Variants in XYLT1 observed in about 807,000 individuals in gnomAD.
XYLT1 encodes the protein beta-D-xylosyltransferase 1.
In XYLT1, 36 loss-of-function variants were observed where a neutral mutation model predicts 91.3. The observed-to-expected ratio is 0.39, with a 90% confidence interval of 0.30 to 0.52. The LOEUF (loss-of-function observed/expected upper bound fraction) is 0.52, where lower values mean the gene tolerates loss of function less well. XYLT1 is among the 20% of genes least tolerant of loss of function. The pLI is 0.68. For missense variants in XYLT1, 1,242 were observed against 1,284.5 expected (o/e 0.97, Z 0.51); for synonymous variants, 588 against 532.0 (o/e 1.11, Z -1.45).
chr16:17,208,040 G>A (rs549546849), intron 3 of XYLT1, among the ~76,000 whole-genome samples: 8 of 151,910 alleles, frequency 5.3e-5, no homozygotes, highest in African/African-American at 1.9e-4. Context: ...AGGCTGGAGT[G>A]CAGTGGCATG....
At chr16:17,191,709 C>A (rs1033867522) in intron 5 of XYLT1, among the ~76,000 whole-genome samples, 1 of 152,238 alleles carries the variant, frequency 6.6e-6, no homozygotes, top group African/African-American at 2.4e-5. Flanking sequence ...TCTTTACCAG[C>A]TGGTGTTTCC....
intron 1 of XYLT1, among the ~76,000 whole-genome samples, chr16:17,416,702 C>T (rs915585203): frequency 1.4e-4 from 21 of 152,148 alleles, no homozygotes; most frequent in African/African-American, 2.4e-4. Context: ...CTCAGTTCTG[C>T]GGGAGAGCAG....
chr16:17,239,894 C>T (rs2033319595), intron 3 of XYLT1, among the ~76,000 whole-genome samples: 1 of 152,200 alleles, frequency 6.6e-6, no homozygotes, highest in African/African-American at 2.4e-5. Context: ...ATCCACTCAA[C>T]CCATCTTTCC....
At chr16:17,146,821 A>G (rs779751374) in intron 6 of XYLT1, among the ~76,000 whole-genome samples, 4 of 152,162 alleles carry the variant, frequency 2.6e-5, no homozygotes, top group Non-Finnish European at 5.9e-5. Context: ...GAAGACTGGC[A>G]ACTTTTCTAA....
At chr16:17,411,311 G>A (rs2036104756) in intron 1 of XYLT1, among the ~76,000 whole-genome samples, 1 of 152,126 alleles carries the variant, frequency 6.6e-6, no homozygotes, top group African/African-American at 2.4e-5. Flanking sequence ...CCTTCATGGT[G>A]GTAGTTTCTT....
At chr16:17,145,272 A>G (rs1230186900) in intron 6 of XYLT1, among the ~76,000 whole-genome samples, 1 of 152,012 alleles carries the variant, frequency 6.6e-6, no homozygotes, top group Non-Finnish European at 1.5e-5. Flanking sequence ...TTTACTTTGG[A>G]CTCATCCTTA....
intron 1 of XYLT1, among the ~76,000 whole-genome samples, chr16:17,416,130 A>C (rs2036177121): frequency 6.6e-6 from 1 of 152,210 alleles, no homozygotes; most frequent in African/African-American, 2.4e-5. Flanking sequence ...TCTGTAGAAT[A>C]AGATGTTTAG....
intron 3 of XYLT1, among the ~76,000 whole-genome samples, chr16:17,223,222 T>A (rs2033003711): frequency 6.6e-6 from 1 of 152,208 alleles, no homozygotes; most frequent in African/African-American, 2.4e-5. Flanking sequence ...CACAGAGGAA[T>A]GCTTCCTGGA....
At chr16:17,169,895 A>G (rs2031785585) in intron 5 of XYLT1, among the ~76,000 whole-genome samples, 1 of 152,222 alleles carries the variant, frequency 6.6e-6, no homozygotes, top group African/African-American at 2.4e-5. Flanking sequence ...AGGGCATCGA[A>G]AGATTGAATC....
intron 1 of XYLT1, among the ~76,000 whole-genome samples, chr16:17,454,476 T>C (rs1429130887): frequency 6.6e-6 from 1 of 152,164 alleles, no homozygotes; most frequent in Non-Finnish European, 1.5e-5. Context: ...AAAGCGGCCA[T>C]AGCTGATATA....
intron 2 of XYLT1, among the ~76,000 whole-genome samples, chr16:17,279,363 A>G (rs1307739910): frequency 6.6e-6 from 1 of 152,202 alleles, no homozygotes; most frequent in South Asian, 2.1e-4. Context: ...TAGTATGATC[A>G]TTAATAGTAG....
At chr16:17,210,865 A>G (rs1295373682) in intron 3 of XYLT1, among the ~76,000 whole-genome samples, 3 of 152,158 alleles carry the variant, frequency 2.0e-5, no homozygotes, top group Non-Finnish European at 4.4e-5. Flanking sequence ...ATGCAAACAA[A>G]TCTTCAGCAG....
At position 17,468,368 on chromosome 16, in the gene XYLT1, GA is replaced by G. The variant is rs376045823; in HGVS notation, c.363+2065del. On this transcript the variant is annotated intron_variant, in intron 1 of 11. Transcript: ENST00000261381. Reference sequence around the variant, plus strand: ...CACCAAGAAGAGAAGAGAACCAAAAGAAAAAAAAAATACATAAATGTCCATC... The same window carrying G: ...CACCAAGAAGAGAAGAGAACCAAAAGAAAAAAAAATACATAAATGTCCATC... Among the ~76,000 whole-genome samples the G allele has an allele frequency of 6.0e-3, 882 of 146,882 alleles. 7 individuals carry two copies. Among genetic ancestry groups the G allele is most frequent in the Middle Eastern group, 0.011 (3 of 284 alleles).
chr16:17,376,176 C>T lies in XYLT1; in HGVS notation c.364-18126G>A, dbSNP rs142947635. Among the ~76,000 whole-genome samples the T allele has an allele frequency of 2.1e-3, 322 of 152,330 alleles. 1 individual carries two copies. Among genetic ancestry groups the T allele is most frequent in the Admixed American group, 7.3e-3 (111 of 15,304 alleles). On this transcript the variant is annotated intron_variant, in intron 1 of 11. Transcript: ENST00000261381. ...GGGGGTGGTTTTGTCCCCCAGGGAA[C>T]ATTTGACACTGTCTAGAGACACGCT...
intron 1 of XYLT1, among the ~76,000 whole-genome samples, chr16:17,454,906 C>A (rs1423118665): frequency 1.6e-5 from 1 of 63,034 alleles, no homozygotes; most frequent in Non-Finnish European, 2.8e-5. Flanking sequence ...TCTTTCCTCC[C>A]CCCCCCGCCC....
intron 2 of XYLT1, among the ~76,000 whole-genome samples, chr16:17,289,218 T>C (rs770599586): frequency 6.6e-6 from 1 of 152,242 alleles, no homozygotes; most frequent in Non-Finnish European, 1.5e-5. Flanking sequence ...TGGTGTGCTG[T>C]GTTCCAATAA....
At chr16:17,292,092 A>C (rs1325897080) in intron 2 of XYLT1, among the ~76,000 whole-genome samples, 1 of 150,228 alleles carries the variant, frequency 6.7e-6, no homozygotes, top group Non-Finnish European at 1.5e-5. Context: ...ACACACACAC[A>C]CACACACACA....
At chr16:17,350,522 C>T (rs1284782907) in intron 2 of XYLT1, among the ~76,000 whole-genome samples, 1 of 152,210 alleles carries the variant, frequency 6.6e-6, no homozygotes, top group Non-Finnish European at 1.5e-5. Context: ...CCAGGGCTAA[C>T]TAGAGAGGCA....
chr16:17,337,773 TTCTTTTTC>T (rs2035003534), intron 2 of XYLT1, among the ~76,000 whole-genome samples: 2 of 104,538 alleles, frequency 1.9e-5, no homozygotes, highest in African/African-American at 9.3e-5. Context: ...TCCACATTTT[TTCTTTTTC>T]TTTTTTTTTT....
Sources: gnomAD v4.1 joint callset for allele counts (sites outside exome capture counted in the v4.1 genomes callset) on GRCh38, gnomAD v4.1.1 for gene constraint, MANE v1.5 for transcripts, NCBI Gene and HGNC (gene_info 2026-07-23, HGNC 2026-07-21) for gene names.